SEMA3A: variants seen among roughly 807,000 people sequenced by gnomAD.
The protein encoded by SEMA3A is semaphorin 3A, also known as semaphorin-3A.
A neutral mutation model predicts 97.9 loss-of-function variants in SEMA3A; 29 were observed. That is an observed-to-expected ratio of 0.30 (90% CI 0.22 to 0.40). The LOEUF is 0.40. Ranked by LOEUF, SEMA3A falls within the 10% of genes least tolerant of loss-of-function variation. The pLI, the probability that SEMA3A is intolerant of heterozygous loss-of-function variation, is 1.00. For synonymous variants in SEMA3A, 321 were observed against 323.7 expected (o/e 0.99, Z 0.09); for missense variants, 763 against 951.3 (o/e 0.80, Z 2.60).
chr7:84,030,261 C>T (rs17158529), intron 6 of SEMA3A, among the ~76,000 whole-genome samples: 15,304 of 152,070 alleles, frequency 0.1, 1,114 homozygotes, highest in African/African-American at 0.2. Flanking sequence ...CACACTAAAA[C>T]CTTCTCTTTA....
Position 84,422,908 on chromosome 7 carries a change from CA to C in SEMA3A, c.-245-51009del, listed in dbSNP as rs1308923737. 2.0e-5 allele frequency among the ~76,000 whole-genome samples: 3 copies of C among 151,992 alleles called. No homozygotes were observed. The East Asian group carries it at 5.8e-4, about 29-fold the overall frequency. On this transcript the variant is annotated intron_variant, in intron 1 of 3. Coordinates refer to the SEMA3A transcript ENST00000424555. ...AATGTATCTCTAAAGTACCAGCATG[CA>C]AACTCAGTTTAATTCCCCAGTCTAT...
intron 3 of SEMA3A, among the ~76,000 whole-genome samples, chr7:84,229,985 C>T (rs1428013249): frequency 6.6e-6 from 1 of 152,002 alleles, no homozygotes; most frequent in Admixed American, 6.6e-5. Context: ...CTTACCCCCC[C>T]TTTACTCTAC....
chr7:84,156,821 A>G (rs1200482013), intron 1 of SEMA3A, among the ~76,000 whole-genome samples: 1 of 152,120 alleles, frequency 6.6e-6, no homozygotes, highest in African/African-American at 2.4e-5. Context: ...GAACATTTCA[A>G]TTTCTTTTGT....
intron 6 of SEMA3A, among the ~76,000 whole-genome samples, chr7:84,018,119 A>G (rs1791177573): frequency 6.6e-6 from 1 of 152,178 alleles, no homozygotes; most frequent in Non-Finnish European, 1.5e-5. Flanking sequence ...AAATCGACAA[A>G]TATACATCTT....
At chr7:84,462,374 C>T (rs887019100) in intron 1 of SEMA3A, among the ~76,000 whole-genome samples, 3 of 152,088 alleles carry the variant, frequency 2.0e-5, no homozygotes, top group Admixed American at 6.6e-5. Flanking sequence ...TTACATATAA[C>T]AACTGTGACT....
intron 1 of SEMA3A, among the ~76,000 whole-genome samples, chr7:84,443,654 A>G (rs1349826519): frequency 6.6e-6 from 1 of 152,156 alleles, no homozygotes; most frequent in Non-Finnish European, 1.5e-5. Flanking sequence ...AAAGACTCTC[A>G]GGTGAAGCTT....
At chr7:83,967,889 G>C (rs1473625174) in intron 15 of SEMA3A, among the ~76,000 whole-genome samples, 1 of 152,074 alleles carries the variant, frequency 6.6e-6, no homozygotes, top group African/African-American at 2.4e-5. Context: ...ATCAAATCAG[G>C]GTAATTACCT....
chr7:84,388,089 C>T (rs1006260915), intron 1 of SEMA3A, among the ~76,000 whole-genome samples: 2 of 152,098 alleles, frequency 1.3e-5, no homozygotes, highest in Non-Finnish European at 2.9e-5. Context: ...AATACCTGTC[C>T]TCTAAACCTA....
At chr7:84,065,158 C>T (rs1220385318) in intron 4 of SEMA3A, among the ~76,000 whole-genome samples, 1 of 137,974 alleles carries the variant, frequency 7.2e-6, no homozygotes, top group African/African-American at 2.8e-5. Flanking sequence ...ACAACCTGCT[C>T]CTGAATGACT....
intron 16 of SEMA3A, among the ~76,000 whole-genome samples, 181 bp from the exon 17 acceptor site, chr7:83,962,007 A>T (rs1186143180): frequency 6.6e-6 from 1 of 152,146 alleles, no homozygotes; most frequent in African/African-American, 2.4e-5. Context: ...ATATCTGTCA[A>T]TTGTTTTTAA....
intron 4 of SEMA3A, among the ~76,000 whole-genome samples, chr7:84,103,651 T>A (rs890151652): frequency 6.6e-6 from 1 of 152,118 alleles, no homozygotes; most frequent in African/African-American, 2.4e-5. Context: ...TTTTTTCTCA[T>A]CTGCAGATTC....
At chr7:83,995,270 T>C (rs976187095) in intron 12 of SEMA3A, among the ~76,000 whole-genome samples, 86 of 152,246 alleles carry the variant, frequency 5.6e-4, no homozygotes, top group African/African-American at 2.0e-3. Flanking sequence ...CAGAAATCAC[T>C]GTCTTCTGCG....
chr7:84,339,909 T>G (rs1802122225), intron 2 of SEMA3A, among the ~76,000 whole-genome samples: 1 of 152,112 alleles, frequency 6.6e-6, no homozygotes, highest in Non-Finnish European at 1.5e-5. Flanking sequence ...TAAAACCATT[T>G]TATTCAATAC....
intron 4 of SEMA3A, among the ~76,000 whole-genome samples, chr7:84,110,174 AAC>A (rs1795234175): frequency 6.6e-6 from 1 of 152,116 alleles, no homozygotes; most frequent in South Asian, 2.1e-4. Context: ...TGAAGGAGAA[AAC>A]ACCACACATT....
chr7:84,446,392 C>T (rs1236802148), intron 1 of SEMA3A, among the ~76,000 whole-genome samples: 9 of 152,004 alleles, frequency 5.9e-5, no homozygotes, highest in African/African-American at 2.2e-4. Flanking sequence ...AACTAATGTC[C>T]CTGATGAATA....
At chr7:84,089,839 A>G (rs1473500324) in intron 4 of SEMA3A, among the ~76,000 whole-genome samples, 1 of 151,930 alleles carries the variant, frequency 6.6e-6, no homozygotes, top group East Asian at 1.9e-4. Context: ...CTTTTGTACT[A>G]TCAGACTAAA....
rs919518614 is a variant in SEMA3A at position 83,962,941 on chromosome 7, A to T, written c.1860+264T>A. Among the ~76,000 whole-genome samples the T allele has an allele frequency of 2.0e-5, 3 of 152,190 alleles. No individual in the cohort carries two copies. In the East Asian group the frequency reaches 5.8e-4, roughly 29 times the overall value. On this transcript the variant is annotated intron_variant, in intron 16 of 16. Coordinates refer to ENST00000265362, the MANE Select transcript of SEMA3A (RefSeq NM_006080.3). ...TTTCTTTGTAGATAAACACAGTAAGAAATAAGGGGAGTCTAATATGTATCC... is the reference window on the plus strand; with the variant it reads ...TTTCTTTGTAGATAAACACAGTAAGTAATAAGGGGAGTCTAATATGTATCC...
intron 4 of SEMA3A, among the ~76,000 whole-genome samples, chr7:84,092,157 G>C (rs983287842): frequency 5.9e-5 from 9 of 152,022 alleles, no homozygotes; most frequent in African/African-American, 2.2e-4. Flanking sequence ...CTCAACCTTT[G>C]AAATACCTGA....
chr7:84,198,030 G>A (rs988533202), upstream of SEMA3A, among the ~76,000 whole-genome samples: 9 of 151,986 alleles, frequency 5.9e-5, no homozygotes, highest in African/African-American at 2.2e-4. Flanking sequence ...GTGAGCCCCC[G>A]AGCCCGGCCA....
Sources: allele counts gnomAD v4.1 joint callset (sites outside exome capture counted in the v4.1 genomes callset), GRCh38; gene constraint gnomAD v4.1.1; transcripts MANE v1.5; gene names NCBI Gene and HGNC (gene_info 2026-07-23, HGNC 2026-07-21).